ZNF385B: variants seen among roughly 807,000 people sequenced by gnomAD.
ZNF385B encodes zinc finger protein 533.
Under a neutral mutation model 39.2 loss-of-function variants are expected in ZNF385B, and 23 were observed. The ratio of observed to expected loss-of-function variants is 0.59; its 90% CI spans 0.42 to 0.83. The LOEUF (loss-of-function observed/expected upper bound fraction) is 0.83, where lower values mean the gene tolerates loss of function less well. Among genes scored for constraint, ZNF385B ranks in the 40% least tolerant of loss-of-function variants. The pLI is 0.00. For synonymous variants in ZNF385B, 205 were observed against 222.6 expected, an observed-to-expected ratio of 0.92 and a Z score of 0.70; for missense variants, 552 against 598.9, an observed-to-expected ratio of 0.92 and a Z score of 0.82.
chr2:179,781,802 T>A (rs998879931), intron 1 of ZNF385B, among the ~76,000 whole-genome samples: 1 of 152,014 alleles, frequency 6.6e-6, no homozygotes, highest in South Asian at 2.1e-4. Context: ...AACAAACCAA[T>A]AACAAACTCT....
chr2:179,460,991 AG>A (rs2051268837), intron 6 of ZNF385B, among the ~76,000 whole-genome samples: 1 of 152,230 alleles, frequency 6.6e-6, no homozygotes. Context: ...TGAACCTGTT[AG>A]GCAATTACAA....
At chr2:179,492,574 G>A (rs76488317) in intron 5 of ZNF385B, among the ~76,000 whole-genome samples, 76 of 152,194 alleles carry the variant, frequency 5.0e-4, no homozygotes, top group Non-Finnish European at 8.5e-4. Flanking sequence ...GTAGATGAAA[G>A]TGGCAAAGTA....
chr2:179,648,900 T>C (rs1247604225), intron 3 of ZNF385B, among the ~76,000 whole-genome samples: 1 of 152,162 alleles, frequency 6.6e-6, no homozygotes, highest in Non-Finnish European at 1.5e-5. Flanking sequence ...TGACAAAGAA[T>C]GAGATATTCA....
chr2:179,643,643 T>C (rs1692460850), intron 3 of ZNF385B, among the ~76,000 whole-genome samples: 1 of 152,160 alleles, frequency 6.6e-6, no homozygotes, highest in Non-Finnish European at 1.5e-5. Flanking sequence ...ATTCCATATA[T>C]GTAACATTCT....
rs1231576900 is a variant in ZNF385B at position 179,446,027 on chromosome 2, G to A, written c.962-299C>T. Among the ~76,000 whole-genome samples the A allele has an allele frequency of 3.3e-5, 5 of 151,712 alleles. No homozygotes were observed. The East Asian group carries it at 9.7e-4, about 29-fold the overall frequency. On this transcript the variant is annotated intron_variant, in intron 7 of 9. Coordinates refer to ENST00000410066, the MANE Select transcript of ZNF385B (RefSeq NM_152520.6). ...TTCTTGTCAGTTTCTTTTTTTTAAT[G>A]TACTAAAAACAGTTTTCATAATGGG...
intron 3 of ZNF385B, among the ~76,000 whole-genome samples, chr2:179,577,648 T>G (rs1170349609): frequency 6.6e-6 from 1 of 152,090 alleles, no homozygotes; most frequent in Non-Finnish European, 1.5e-5. Context: ...AATTTTCTTT[T>G]TCTTATCAGA....
At chr2:179,467,624 C>T (rs766971277) in intron 6 of ZNF385B, among the ~76,000 whole-genome samples, 1 of 152,136 alleles carries the variant, frequency 6.6e-6, no homozygotes, top group Non-Finnish European at 1.5e-5. Flanking sequence ...ATTATCATGC[C>T]TGTAGCTAAA....
intron 6 of ZNF385B, among the ~76,000 whole-genome samples, chr2:179,479,399 A>G (rs2053755448): frequency 6.6e-6 from 1 of 152,218 alleles, no homozygotes; most frequent in African/African-American, 2.4e-5. Flanking sequence ...TGGATACAAC[A>G]TGAACCAAAT....
At position 179,453,140 on chromosome 2, in the gene ZNF385B, A is replaced by G. The variant is rs192174761; in HGVS notation, c.716-6370T>C. ...AATGCAGAACTGGATTAAGATTTCT[A>G]ACACCAAATGATATTTATTTATATG... On this transcript the variant is annotated intron_variant, in intron 6 of 9. Coordinates refer to ENST00000410066, the MANE Select transcript of ZNF385B (RefSeq NM_152520.6). Among the ~76,000 whole-genome samples, 8 of 152,330 alleles carry G rather than the reference A, an allele frequency of 5.3e-5. No homozygotes were observed. The East Asian group carries it at 1.3e-3, about 26-fold the overall frequency.
chr2:179,466,943 A>AAAAAAGAGAGAGAG (rs1559276782), intron 6 of ZNF385B, among the ~76,000 whole-genome samples: 8 of 146,014 alleles, frequency 5.5e-5, no homozygotes, highest in African/African-American at 2.0e-4. Flanking sequence ...AAAAAAAAAA[A>AAAAAAGAGAGAGAG]AGAGAGAGAG....
chr2:179,856,459 G>T (rs1190115583), intron 1 of ZNF385B, among the ~76,000 whole-genome samples: 2 of 152,066 alleles, frequency 1.3e-5, no homozygotes, highest in Non-Finnish European at 2.9e-5. Flanking sequence ...AAAAGAAACA[G>T]CTGTGCCCAA....
chr2:179,752,092 AC>A (rs1431809475), intron 3 of ZNF385B, among the ~76,000 whole-genome samples: 1 of 149,998 alleles, frequency 6.7e-6, no homozygotes, highest in Non-Finnish European at 1.5e-5. Context: ...CCCTCTCCCC[AC>A]CCCACGACAG....
At chr2:179,833,937 T>C (rs1708113039) in intron 1 of ZNF385B, among the ~76,000 whole-genome samples, 1 of 152,138 alleles carries the variant, frequency 6.6e-6, no homozygotes, top group African/African-American at 2.4e-5. Context: ...GAGTTTGTTG[T>C]TGGTATTGAT....
intron 3 of ZNF385B, among the ~76,000 whole-genome samples, chr2:179,570,207 A>G (rs570666461): frequency 1.3e-5 from 2 of 152,182 alleles, no homozygotes; most frequent in African/African-American, 2.4e-5. Flanking sequence ...CCCAACACCA[A>G]CGTACCACTC....
At position 179,769,528 on chromosome 2, in the gene ZNF385B, G is replaced by C. The variant is rs375049474; in HGVS notation, c.273C>G (p.Ala91=). 18 of 1,613,874 alleles carry C rather than the reference G, an allele frequency of 1.1e-5. No individual in the cohort carries two copies. Among genetic ancestry groups the C allele is most frequent in the Non-Finnish European group, 1.4e-5 (17 of 1,180,006 alleles). Residue 91 remains alanine (A), a synonymous_variant, in exon 3 of 10, where the codon GCC becomes GCG. Coordinates refer to ENST00000410066, the MANE Select transcript of ZNF385B (RefSeq NM_152520.6). ...SDGQPPPPAQ[A]SPSSNSSTGS... The stretch of plus-strand genomic sequence containing the variant: ...CTGTGCTGCTGTTGCTGCTGGGGCT[G>C]GCCTGGGCGGGTGGTGGGGGCTGCC...
intron 4 of ZNF385B, among the ~76,000 whole-genome samples, chr2:179,536,060 G>A (rs758722555): frequency 2.2e-4 from 33 of 152,108 alleles, no homozygotes; most frequent in Non-Finnish European, 3.2e-4. Context: ...CATTTTCTGA[G>A]CTGGTGGGAA....
intron 5 of ZNF385B, among the ~76,000 whole-genome samples, chr2:179,493,697 A>ACATGTG (rs1308434040): frequency 1.1e-4 from 14 of 127,354 alleles, no homozygotes; most frequent in African/African-American, 4.1e-4. Flanking sequence ...ACATATATAC[A>ACATGTG]TATATGTATA....
chr2:179,819,151 C>A (rs1302662996), intron 1 of ZNF385B, among the ~76,000 whole-genome samples: 1 of 151,952 alleles, frequency 6.6e-6, no homozygotes. Context: ...CTCCGAGTAT[C>A]CATTTGCTAA....
At chr2:179,814,468 A>G in intron 1 of ZNF385B, 1 of 527,156 alleles carries the variant, frequency 1.9e-6, no homozygotes, top group East Asian at 5.3e-5. Flanking sequence ...AACAAAATGT[A>G]TGAGTTATAT....
Sources: allele counts gnomAD v4.1 joint callset (sites outside exome capture counted in the v4.1 genomes callset), GRCh38; gene constraint gnomAD v4.1.1; transcripts MANE v1.5; gene names NCBI Gene and HGNC (gene_info 2026-07-23, HGNC 2026-07-21).